The following CDH2 variants were observed in gnomAD, a reference collection of about 807,000 sequenced individuals.
CDH2 encodes the protein cadherin-2.
A neutral mutation model predicts 92.0 loss-of-function variants in CDH2; 17 were observed. The ratio of observed to expected loss-of-function variants is 0.18; its 90% confidence interval spans 0.13 to 0.28. CDH2 has a LOEUF of 0.28. Among genes scored for constraint, CDH2 ranks in the 10% least tolerant of loss-of-function variants. The pLI is 1.00. For synonymous variants in CDH2, 419 were observed against 415.9 expected, an observed-to-expected ratio of 1.01 and a Z score of -0.09; for missense variants, 862 against 1,133.1, an observed-to-expected ratio of 0.76 and a Z score of 3.44.
intron 5 of CDH2, 116 bp from the exon 6 acceptor site, chr18:28,006,109 C>T (rs887431313): frequency 3.0e-5 from 23 of 771,280 alleles, no homozygotes; most frequent in African/African-American, 1.6e-4. Flanking sequence ...AAAACAAAAG[C>T]GGTTCTTCCC....
intron 1 of CDH2, among the ~76,000 whole-genome samples, chr18:28,172,631 C>A (rs1171723389): frequency 6.6e-6 from 1 of 152,054 alleles, no homozygotes; most frequent in African/African-American, 2.4e-5. Flanking sequence ...GCTGTCAGAG[C>A]GAAATACTTA....
intron 15 of CDH2, among the ~76,000 whole-genome samples, chr18:27,960,190 G>A (rs2011365050): frequency 6.6e-6 from 1 of 152,088 alleles, no homozygotes; most frequent in African/African-American, 2.4e-5. Context: ...CCTGGAACAT[G>A]GATCAGGGGG....
intron 2 of CDH2, among the ~76,000 whole-genome samples, chr18:28,103,872 T>C (rs1388595847): frequency 6.6e-6 from 1 of 152,164 alleles, no homozygotes; most frequent in Non-Finnish European, 1.5e-5. Flanking sequence ...TGGTGTATTA[T>C]ATATTTATAT....
chr18:28,068,418 G>A lies in CDH2; in HGVS notation c.173-54509C>T, dbSNP rs1599075626. Among the ~76,000 whole-genome samples the A allele has an allele frequency of 2.0e-5, 3 of 147,286 alleles. No homozygotes were observed. In the East Asian group the frequency reaches 6.4e-4, roughly 31 times the overall value. On this transcript the variant is annotated intron_variant, in intron 2 of 15. Transcript: ENST00000269141. Reference sequence around the variant, plus strand: ...CGCACTGCTGAAGCTCAAAGGTTAAGTTAACAAACACACACACAAACACTC... The same window carrying A: ...CGCACTGCTGAAGCTCAAAGGTTAAATTAACAAACACACACACAAACACTC...
intron 2 of CDH2, among the ~76,000 whole-genome samples, chr18:28,130,384 G>A (rs1452606672): frequency 2.0e-5 from 3 of 152,194 alleles, no homozygotes; most frequent in Non-Finnish European, 4.4e-5. Context: ...AGAAAGGAAT[G>A]GAATGGAAAA....
chr18:28,021,032 TA>T (rs1277194659), intron 2 of CDH2, among the ~76,000 whole-genome samples: 1 of 151,946 alleles, frequency 6.6e-6, no homozygotes, highest in East Asian at 1.9e-4. Context: ...AGATATAACT[TA>T]AAGGAATGGA....
At chr18:27,992,544 T>A in intron 9 of CDH2, 111 bp downstream of exon 9, 1 of 818,014 alleles carries the variant, frequency 1.2e-6, no homozygotes, top group South Asian at 2.0e-5. Flanking sequence ...CATCTGGAGA[T>A]GTCTGAAAGA....
At chr18:28,176,440 G>A (rs931137809) in intron 1 of CDH2, among the ~76,000 whole-genome samples, 2 of 152,286 alleles carry the variant, frequency 1.3e-5, no homozygotes, top group Non-Finnish European at 1.5e-5. Flanking sequence ...AAGACAATAG[G>A]ACAGTAGAGC....
chr18:28,061,595 C>A (rs562615185), intron 2 of CDH2, among the ~76,000 whole-genome samples: 1 of 152,276 alleles, frequency 6.6e-6, no homozygotes, highest in East Asian at 1.9e-4. Flanking sequence ...GGACACAGAG[C>A]ACGACTCCGT....
At chr18:28,139,183 T>C (rs1394505451) in intron 2 of CDH2, among the ~76,000 whole-genome samples, 1 of 152,094 alleles carries the variant, frequency 6.6e-6, no homozygotes, top group East Asian at 1.9e-4. Flanking sequence ...TAAAAACATC[T>C]GCAGGATGTG....
chr18:28,061,885 C>T (rs192412951), intron 2 of CDH2, among the ~76,000 whole-genome samples: 5 of 152,212 alleles, frequency 3.3e-5, no homozygotes, highest in Admixed American at 1.3e-4. Flanking sequence ...GAAAAACCTG[C>T]CCCATGATTC....
In CDH2 at chr18:28,175,134, TGAG is replaced by T. The variant is rs572372894; in HGVS notation, c.60+1826_60+1828del. On this transcript the variant is annotated intron_variant, in intron 1 of 15. Transcript: ENST00000269141. ...AATGAAGTGACAGGAGGTCAAAGAA[TGAG>T]GAGTGTGCGCTGGGAGAATAAAGGG... is the stretch of plus-strand genomic sequence containing the variant. Among the ~76,000 whole-genome samples, 9 of 152,270 alleles carry T rather than the reference TGAG, an allele frequency of 5.9e-5. No individual in the cohort carries two copies. In the South Asian group the frequency reaches 1.9e-3, roughly 32 times the overall value.
At position 28,063,180 on chromosome 18, in the gene CDH2, T is replaced by A. The variant is rs114164087; in HGVS notation, c.173-49271A>T. On this transcript the variant is annotated intron_variant, in intron 2 of 15. Transcript: ENST00000269141. ...AAATCCTATTTGTTGCATTAAAAACTATTTGGGAAAAAAAATTATTATGGG... is the reference window on the plus strand; with the variant it reads ...AAATCCTATTTGTTGCATTAAAAACAATTTGGGAAAAAAAATTATTATGGG... Among the ~76,000 whole-genome samples the A allele has an allele frequency of 3.2e-3, 493 of 152,290 alleles. 1 individual carries two copies. Among genetic ancestry groups the A allele is most frequent in the African/African-American group, 0.011 (469 of 41,566 alleles).
intron 2 of CDH2, among the ~76,000 whole-genome samples, chr18:28,056,380 G>A (rs935273939): frequency 2.0e-5 from 3 of 152,122 alleles, no homozygotes; most frequent in Admixed American, 6.5e-5. Context: ...GCTCTTAACA[G>A]GAAATGGTAA....
chr18:28,129,587 G>T (rs936839001), intron 2 of CDH2, among the ~76,000 whole-genome samples: 1 of 152,158 alleles, frequency 6.6e-6, no homozygotes, highest in African/African-American at 2.4e-5. Flanking sequence ...AAGAACTCTG[G>T]CAGGCCAAGG....
chr18:28,037,087 T>C (rs909430417), intron 2 of CDH2, among the ~76,000 whole-genome samples: 1 of 152,178 alleles, frequency 6.6e-6, no homozygotes, highest in African/African-American at 2.4e-5. Flanking sequence ...GCTTACAACA[T>C]AATTAAGATT....
chr18:28,050,617 AT>A (rs565478309), intron 2 of CDH2, among the ~76,000 whole-genome samples: 3 of 152,126 alleles, frequency 2.0e-5, no homozygotes, highest in Non-Finnish European at 2.9e-5. Flanking sequence ...TCAGAGTAAG[AT>A]TTTTTTCTAT....
At chr18:28,121,268 AT>A (rs2015584060) in intron 2 of CDH2, among the ~76,000 whole-genome samples, 1 of 152,108 alleles carries the variant, frequency 6.6e-6, no homozygotes, top group African/African-American at 2.4e-5. Context: ...TTAAAGGAAC[AT>A]GCATTTTCAT....
At chr18:28,149,705 G>A (rs1183259060) in intron 1 of CDH2, among the ~76,000 whole-genome samples, 2 of 152,176 alleles carry the variant, frequency 1.3e-5, no homozygotes, top group African/African-American at 4.8e-5. Flanking sequence ...GTTACCCCAG[G>A]GGAAGGAAAA....
Sources: gnomAD v4.1 joint callset for allele counts (sites outside exome capture counted in the v4.1 genomes callset) on GRCh38, gnomAD v4.1.1 for gene constraint, MANE v1.5 for transcripts, NCBI Gene and HGNC (gene_info 2026-07-23, HGNC 2026-07-21) for gene names.